FAM151B: variants seen among roughly 807,000 people sequenced by gnomAD.
FAM151B encodes the protein family with sequence similarity 151 member B, also known as protein FAM151B.
Under a neutral mutation model 31.2 loss-of-function variants are expected in FAM151B, and 24 were observed. That is an observed-to-expected ratio of 0.77 (90% CI 0.56 to 1.08). The LOEUF is 1.08. Among genes scored for constraint, FAM151B ranks in the 50% least tolerant of loss-of-function variants. FAM151B has a pLI of 0.00. For synonymous variants in FAM151B, 105 were observed against 111.4 expected (o/e 0.94, Z 0.36); for missense variants, 293 against 328.6 (o/e 0.89, Z 0.84).
intron 5 of FAM151B, among the ~76,000 whole-genome samples, chr5:80,539,791 C>CTT (rs1175385469): frequency 1.4e-5 from 2 of 140,540 alleles, no homozygotes; most frequent in African/African-American, 2.6e-5. Flanking sequence ...CGTGCCCTGC[C>CTT]TTTTTTTTTT....
At chr5:80,519,553 T>C in intron 3 of FAM151B, 140 bp from the exon 4 acceptor site, 1 of 689,688 alleles carries the variant, frequency 1.4e-6, no homozygotes, top group Middle Eastern at 4.0e-4. Context: ...TCTGGTGCTA[T>C]GCGATCTTTG....
intron 5 of FAM151B, among the ~76,000 whole-genome samples, chr5:80,528,082 A>C (rs958741835): frequency 1.2e-4 from 18 of 152,160 alleles, no homozygotes; most frequent in African/African-American, 3.9e-4. Flanking sequence ...CACAAAAACT[A>C]TACTTCCAGG....
At chr5:80,510,482 T>G (rs1359272342) in intron 2 of FAM151B, among the ~76,000 whole-genome samples, 1 of 152,234 alleles carries the variant, frequency 6.6e-6, no homozygotes, top group African/African-American at 2.4e-5. Flanking sequence ...TTCCACTACC[T>G]TCTGTTGGTC....
intron 5 of FAM151B, among the ~76,000 whole-genome samples, chr5:80,538,574 C>CCT (rs1745711643): frequency 3.7e-5 from 4 of 108,626 alleles, no homozygotes; most frequent in Admixed American, 1.1e-4. Context: ...CCTTCCTTCC[C>CCT]TCCCTTCCTT....
chr5:80,503,537 C>G (rs1037750902), intron 2 of FAM151B, among the ~76,000 whole-genome samples: 1 of 151,460 alleles, frequency 6.6e-6, no homozygotes, highest in African/African-American at 2.4e-5. Flanking sequence ...CCATTGCACT[C>G]CAACCTAGGT....
intron 2 of FAM151B, among the ~76,000 whole-genome samples, chr5:80,510,506 A>G (rs1044107726): frequency 6.6e-6 from 1 of 152,236 alleles, no homozygotes; most frequent in African/African-American, 2.4e-5. Context: ...GCAGATCACA[A>G]GTGGTGCCAA....
intron 4 of FAM151B, among the ~76,000 whole-genome samples, chr5:80,521,677 A>G (rs1471324509): frequency 2.0e-5 from 3 of 152,150 alleles, no homozygotes; most frequent in Admixed American, 2.0e-4. Context: ...CTAAAAGAAG[A>G]GCCTTAAAAT....
chr5:80,524,456 A>G (rs538588667), intron 5 of FAM151B, among the ~76,000 whole-genome samples: 1 of 152,196 alleles, frequency 6.6e-6, no homozygotes, highest in East Asian at 1.9e-4. Context: ...CTGCAAGTTC[A>G]TCTACTCGTT....
intron 1 of FAM151B, among the ~76,000 whole-genome samples, chr5:80,490,865 G>C (rs1005808055): frequency 6.6e-6 from 1 of 152,202 alleles, no homozygotes; most frequent in Non-Finnish European, 1.5e-5. Context: ...TAATGCTACT[G>C]TGAACATTTG....
At chr5:80,492,475 A>G (rs1236906786) in intron 1 of FAM151B, among the ~76,000 whole-genome samples, 3 of 152,156 alleles carry the variant, frequency 2.0e-5, no homozygotes, top group Non-Finnish European at 4.4e-5. Flanking sequence ...TAAAAAATAA[A>G]TAAATAAATA....
chr5:80,516,213 A>G (rs1744439879), intron 3 of FAM151B, among the ~76,000 whole-genome samples: 1 of 152,182 alleles, frequency 6.6e-6, no homozygotes, highest in African/African-American at 2.4e-5. Flanking sequence ...AATCCCAGCT[A>G]TTCGGAAGGC....
intron 3 of FAM151B, among the ~76,000 whole-genome samples, chr5:80,519,386 T>G (rs1353330936): frequency 6.6e-6 from 1 of 152,220 alleles, no homozygotes; most frequent in African/African-American, 2.4e-5. Context: ...TTTAAAAAAC[T>G]GTTTTCACAC....
At chr5:80,505,653 T>C (rs1016306229) in intron 2 of FAM151B, among the ~76,000 whole-genome samples, 1 of 150,578 alleles carries the variant, frequency 6.6e-6, no homozygotes, top group African/African-American at 2.4e-5. Context: ...CTCGGCCTCC[T>C]AACTTGCTGG....
At chr5:80,501,747 C>G in intron 1 of FAM151B, 45 bp from the exon 2 acceptor site, 1 of 1,479,060 alleles carries the variant, frequency 6.8e-7, no homozygotes, top group Non-Finnish European at 9.2e-7. Context: ...AAATTTTACC[C>G]TATAAAAAAC....
intron 3 of FAM151B, among the ~76,000 whole-genome samples, chr5:80,518,293 A>C (rs1410986310): frequency 1.3e-5 from 2 of 152,126 alleles, no homozygotes; most frequent in Non-Finnish European, 1.5e-5. Context: ...GGAGGCATGC[A>C]TGGATTAGTT....
chr5:80,504,323 C>T (rs1316254626), intron 2 of FAM151B, among the ~76,000 whole-genome samples: 2 of 151,804 alleles, frequency 1.3e-5, no homozygotes, highest in Non-Finnish European at 2.9e-5. Context: ...TCTTTCTTTC[C>T]ATCTTTCTTA....
At chr5:80,540,290 G>A (rs1475036232) in intron 5 of FAM151B, among the ~76,000 whole-genome samples, 1 of 152,160 alleles carries the variant, frequency 6.6e-6, no homozygotes, top group East Asian at 1.9e-4. Flanking sequence ...AGAGGAGATC[G>A]TGGTAGAGCA....
At chr5:80,524,945 T>C (rs1744893510) in intron 5 of FAM151B, among the ~76,000 whole-genome samples, 1 of 152,216 alleles carries the variant, frequency 6.6e-6, no homozygotes, top group Admixed American at 6.5e-5. Context: ...AGGAATTTAA[T>C]AAATAGTTGT....
In FAM151B at chr5:80,541,833, G is replaced by A. The variant is rs1323894812; in HGVS notation, c.*1G>A. On this transcript the variant is annotated 3_prime_UTR_variant, in exon 6 of 6. Coordinates refer to ENST00000282226, the MANE Select transcript of FAM151B (RefSeq NM_205548.3). ...CATTGGAATCAAAGTTAATCTCTAA[G>A]AAGAAGATTCTCAATTATTTCCTGT... The A allele has an allele frequency of 6.2e-7, 1 of 1,609,444 alleles. No individual in the cohort carries two copies. Among genetic ancestry groups the A allele is most frequent in the Non-Finnish European group, 8.5e-7 (1 of 1,178,442 alleles).
Sources: gnomAD v4.1 joint callset for allele counts (sites outside exome capture counted in the v4.1 genomes callset) on GRCh38, gnomAD v4.1.1 for gene constraint, MANE v1.5 for transcripts, NCBI Gene and HGNC (gene_info 2026-07-23, HGNC 2026-07-21) for gene names.